Variants in DLGAP2 observed in about 807,000 individuals in gnomAD.
The protein encoded by DLGAP2 is disks large-associated protein 2.
DLGAP2 carries 26 observed loss-of-function variants against 100.3 expected under a neutral mutation model. The observed-to-expected ratio is 0.26, with a 90% CI of 0.19 to 0.36. DLGAP2 has a LOEUF of 0.36. DLGAP2 is among the 10% of genes least tolerant of loss of function. The probability of loss-of-function intolerance (pLI) is 1.00; values close to 1 mark genes in which losing one functional copy is unlikely to be tolerated. For synonymous variants in DLGAP2, 886 were observed against 630.1 expected (o/e 1.41, Z -6.08); for missense variants, 1,858 against 1,453.2 (o/e 1.28, Z -4.53).
At chr8:1,080,720 G>A (rs77632274) in intron 2 of DLGAP2, among the ~76,000 whole-genome samples, 10,967 of 152,266 alleles carry the variant, frequency 0.072, 557 homozygotes, top group Admixed American at 0.14. Context: ...CATGCATCTG[G>A]ATCCTAGTGG....
chr8:1,467,362 C>T lies in DLGAP2; in HGVS notation c.107-34004C>T, dbSNP rs557464302. ...CCCATGTGACTGTACTTCCCATTCA[C>T]GGCCCCCCACAGCCCCCCAGAGCTC... is the stretch of plus-strand genomic sequence containing the variant. On this transcript the variant is annotated intron_variant, in intron 3 of 14. Transcript: ENST00000637795. Among the ~76,000 whole-genome samples, 6 of 151,934 alleles carry T rather than the reference C, an allele frequency of 3.9e-5. No individual in the cohort carries two copies. In the East Asian group the frequency reaches 5.8e-4, roughly 15 times the overall value.
At chr8:1,683,850 ATATATATGTGTGTG>A (rs1404300114) in intron 12 of DLGAP2, among the ~76,000 whole-genome samples, 2 of 72,088 alleles carry the variant, frequency 2.8e-5, no homozygotes, top group East Asian at 5.0e-4. Flanking sequence ...ATATATATAT[ATATATATGTGTGTG>A]TGTGTGTGTG....
At chr8:1,263,949 C>G (rs958196423) in intron 3 of DLGAP2, among the ~76,000 whole-genome samples, 2 of 152,134 alleles carry the variant, frequency 1.3e-5, no homozygotes, top group Non-Finnish European at 2.9e-5. Context: ...GGAAAACAGA[C>G]TCAGCTCTAG....
chr8:1,191,214 C>T (rs549201179), intron 2 of DLGAP2, among the ~76,000 whole-genome samples: 1 of 143,886 alleles, frequency 6.9e-6, no homozygotes, highest in African/African-American at 2.6e-5. Context: ...CTCTGTCACC[C>T]AGGCTGGAGT....
At chr8:1,276,335 C>G (rs1799695612) in intron 3 of DLGAP2, among the ~76,000 whole-genome samples, 1 of 151,950 alleles carries the variant, frequency 6.6e-6, no homozygotes, top group Admixed American at 6.6e-5. Context: ...TGGACTGACA[C>G]ATGAATTCAC....
chr8:1,641,661 C>A (rs950799637), intron 8 of DLGAP2, among the ~76,000 whole-genome samples: 1 of 152,062 alleles, frequency 6.6e-6, no homozygotes, highest in African/African-American at 2.4e-5. Context: ...AGTCAGAAGT[C>A]CAGTGAGGAC....
At chr8:880,563 G>C (rs1158864934) in intron 1 of DLGAP2, among the ~76,000 whole-genome samples, 2 of 148,240 alleles carry the variant, frequency 1.3e-5, no homozygotes, top group African/African-American at 5.1e-5. Context: ...CATGGCATCC[G>C]TGCTGGGGAG....
At chr8:1,173,536 C>T (rs1056229885) in intron 2 of DLGAP2, among the ~76,000 whole-genome samples, 52 of 152,182 alleles carry the variant, frequency 3.4e-4, no homozygotes, top group Non-Finnish European at 6.9e-4. Flanking sequence ...TGGGCTCCAC[C>T]CAGTTGGAGC....
intron 2 of DLGAP2, among the ~76,000 whole-genome samples, chr8:1,213,891 G>C (rs561947898): frequency 2.0e-5 from 3 of 152,122 alleles, no homozygotes; most frequent in South Asian, 4.1e-4. Flanking sequence ...CCCATCACTC[G>C]GGTCCTCACT....
Position 1,503,602 on chromosome 8 carries a change from C to G in DLGAP2, c.172+2171C>G, listed in dbSNP as rs1237964454. Among the ~76,000 whole-genome samples the G allele has an allele frequency of 3.3e-5, 5 of 152,048 alleles. No individual in the cohort carries two copies. The East Asian group carries it at 9.7e-4, about 29-fold the overall frequency. On this transcript the variant is annotated intron_variant, in intron 4 of 14. Transcript: ENST00000637795. ...GGAGTGCAGCTCTCTCTCCACGTCA[C>G]TGTTTTCGGTTCATTTGGGTAAATG...
intron 2 of DLGAP2, among the ~76,000 whole-genome samples, chr8:1,130,156 G>T (rs191655004): frequency 6.6e-6 from 1 of 151,828 alleles, no homozygotes; most frequent in East Asian, 2.0e-4. Flanking sequence ...ATGATGCAAA[G>T]AGTGGTGTCC....
chr8:1,650,793 G>C lies in DLGAP2; in HGVS notation c.1811-17536G>C, dbSNP rs945048230. ...GGTGGCAGTTGCTGGAGCAGAGGTG[G>C]GAGGAGAGTAGACACAGAAGCTTGG... On this transcript the variant is annotated intron_variant, in intron 8 of 14. Transcript: ENST00000637795. 3.3e-4 allele frequency among the ~76,000 whole-genome samples: 48 copies of C among 145,148 alleles called. 1 individual carries two copies. Among genetic ancestry groups the C allele is most frequent in the African/African-American group, 1.3e-3 (47 of 36,728 alleles).
chr8:945,026 G>A (rs1184262272), intron 2 of DLGAP2, among the ~76,000 whole-genome samples: 2 of 152,190 alleles, frequency 1.3e-5, no homozygotes, highest in African/African-American at 4.8e-5. Flanking sequence ...TGTGTTAGAT[G>A]TGACTAATTC....
At chr8:1,194,873 G>C (rs1797716011) in intron 2 of DLGAP2, among the ~76,000 whole-genome samples, 1 of 152,232 alleles carries the variant, frequency 6.6e-6, no homozygotes, top group African/African-American at 2.4e-5. Context: ...CTCTAGGGCT[G>C]TGTCTGTGCT....
intron 2 of DLGAP2, among the ~76,000 whole-genome samples, chr8:1,162,676 A>C (rs1796914358): frequency 6.6e-6 from 1 of 152,254 alleles, no homozygotes; most frequent in Non-Finnish European, 1.5e-5. Context: ...TTATTTCATA[A>C]TATTAATTCC....
chr8:1,528,105 A>ACTGCTGTGCGGT (rs1390146090), intron 4 of DLGAP2, among the ~76,000 whole-genome samples: 2 of 152,256 alleles, frequency 1.3e-5, no homozygotes, highest in African/African-American at 4.8e-5. Flanking sequence ...CACGGCAGTG[A>ACTGCTGTGCGGT]CTGCTGTGCG....
chr8:875,653 T>G (rs1230181147), intron 1 of DLGAP2, among the ~76,000 whole-genome samples: 1 of 152,244 alleles, frequency 6.6e-6, no homozygotes, highest in Non-Finnish European at 1.5e-5. Context: ...GAGTATGTCC[T>G]TATAGCAGTG....
intron 2 of DLGAP2, among the ~76,000 whole-genome samples, chr8:1,082,956 T>C (rs1352649184): frequency 2.6e-5 from 4 of 152,354 alleles, no homozygotes; most frequent in Non-Finnish European, 4.4e-5. Flanking sequence ...TATGAAATTA[T>C]AGTATGTTGA....
At chr8:884,251 C>T (rs768490749) in intron 1 of DLGAP2, among the ~76,000 whole-genome samples, 11 of 152,268 alleles carry the variant, frequency 7.2e-5, no homozygotes, top group Non-Finnish European at 1.3e-4. Context: ...ATGTACATTC[C>T]CACCAACAGT....
Sources: gnomAD v4.1 joint callset for allele counts (sites outside exome capture counted in the v4.1 genomes callset) on GRCh38, gnomAD v4.1.1 for gene constraint, MANE v1.5 for transcripts, NCBI Gene and HGNC (gene_info 2026-07-23, HGNC 2026-07-21) for gene names.